Variants in FHIT observed in about 807,000 individuals in gnomAD.
FHIT encodes fragile histidine triad diadenosine triphosphatase.
Under a neutral mutation model 17.9 loss-of-function variants are expected in FHIT, and 19 were observed. That is an observed-to-expected ratio of 1.06 (90% confidence interval 0.74 to 1.56). The LOEUF (loss-of-function observed/expected upper bound fraction) is 1.56, where lower values mean the gene tolerates loss of function less well. Among genes scored for constraint, FHIT ranks in the 40% most tolerant of loss-of-function variants. FHIT has a pLI of 0.00. For missense variants in FHIT, 248 were observed against 189.2 expected (o/e 1.31, Z -1.82); for synonymous variants, 81 against 69.7 (o/e 1.16, Z -0.81).
At chr3:60,700,077 GC>G (rs1473997170) in intron 4 of FHIT, among the ~76,000 whole-genome samples, 1 of 148,704 alleles carries the variant, frequency 6.7e-6, no homozygotes, top group East Asian at 2.0e-4. Context: ...GTTGCCATGA[GC>G]CAAGATCACG....
At chr3:60,355,649 G>T (rs2106964019) in intron 5 of FHIT, among the ~76,000 whole-genome samples, 1 of 152,234 alleles carries the variant, frequency 6.6e-6, no homozygotes, top group African/African-American at 2.4e-5. Context: ...GAAACAATCA[G>T]CAGCAGCTAT....
intron 4 of FHIT, among the ~76,000 whole-genome samples, chr3:60,554,241 T>TG (rs200126561): frequency 6.9e-5 from 10 of 145,806 alleles, no homozygotes; most frequent in African/African-American, 2.2e-4. Flanking sequence ...TCTTAACGGT[T>TG]AAAAAAAAAA....
intron 2 of FHIT, among the ~76,000 whole-genome samples, chr3:61,058,477 G>A (rs1239562958): frequency 6.6e-6 from 1 of 152,174 alleles, no homozygotes; most frequent in African/African-American, 2.4e-5. Context: ...TTCAGTGTTG[G>A]AGGAGGGGCC....
rs567421718 is a variant in FHIT at position 60,492,420 on chromosome 3, C to A, written c.103+44440G>T. Among the ~76,000 whole-genome samples, 330 of 152,034 alleles carry A rather than the reference C, an allele frequency of 2.2e-3. 1 individual carries two copies. Among genetic ancestry groups the A allele is most frequent in the Middle Eastern group, 0.014 (4 of 290 alleles). On this transcript the variant is annotated intron_variant, in intron 5 of 9. Transcript: ENST00000492590. ...ATATATAGGAAAAAGGTTAAGAAAT[C>A]TAGGTCATAAATACTTCTTAAGGTG... is the stretch of plus-strand genomic sequence containing the variant.
chr3:60,606,312 C>T (rs2038607247), intron 4 of FHIT, among the ~76,000 whole-genome samples: 1 of 151,448 alleles, frequency 6.6e-6, no homozygotes, highest in African/African-American at 2.4e-5. Flanking sequence ...GCAATCTTAG[C>T]TCACTGCAAC....
chr3:59,850,511 G>T (rs192842279), intron 8 of FHIT, among the ~76,000 whole-genome samples: 3 of 152,042 alleles, frequency 2.0e-5, no homozygotes, highest in African/African-American at 7.2e-5. Flanking sequence ...CTTAAATTAC[G>T]CAGGAGAAGT....
At chr3:60,953,378 C>T (rs978742751) in intron 3 of FHIT, among the ~76,000 whole-genome samples, 2 of 152,042 alleles carry the variant, frequency 1.3e-5, no homozygotes, top group African/African-American at 4.8e-5. Flanking sequence ...TGGATTCCAA[C>T]TATAAAAGTC....
chr3:60,233,735 G>A (rs988794971), intron 5 of FHIT, among the ~76,000 whole-genome samples: 21 of 152,100 alleles, frequency 1.4e-4, no homozygotes, highest in African/African-American at 4.8e-4. Context: ...CCCGGTGGCA[G>A]GTAATTGAAT....
chr3:60,444,249 A>C (rs1294500764), intron 5 of FHIT, among the ~76,000 whole-genome samples: 3 of 152,288 alleles, frequency 2.0e-5, no homozygotes, highest in East Asian at 3.9e-4. Context: ...GTTGGTGGGA[A>C]TGTAAACTAC....
intron 5 of FHIT, among the ~76,000 whole-genome samples, chr3:60,121,034 A>G (rs1030896342): frequency 2.0e-5 from 3 of 152,160 alleles, no homozygotes; most frequent in Non-Finnish European, 2.9e-5. Context: ...GAAACCCTCA[A>G]AAGATAATTA....
At chr3:60,349,536 T>C (rs564074500) in intron 5 of FHIT, among the ~76,000 whole-genome samples, 172 of 152,322 alleles carry the variant, frequency 1.1e-3, no homozygotes, top group Non-Finnish European at 1.8e-3. Context: ...TTTTTAAATA[T>C]ATAATTGATA....
intron 3 of FHIT, among the ~76,000 whole-genome samples, chr3:60,832,556 C>A (rs1702367565): frequency 6.6e-6 from 1 of 152,060 alleles, no homozygotes; most frequent in Non-Finnish European, 1.5e-5. Flanking sequence ...TTTAAAAAAA[C>A]CAATTTCAAT....
intron 2 of FHIT, among the ~76,000 whole-genome samples, chr3:61,133,668 G>T (rs1216036847): frequency 6.6e-6 from 1 of 152,084 alleles, no homozygotes; most frequent in Non-Finnish European, 1.5e-5. Flanking sequence ...AAGAAAAGAG[G>T]CTCAAAGATG....
chr3:60,715,977 A>C (rs2041673426), intron 4 of FHIT, among the ~76,000 whole-genome samples: 1 of 152,124 alleles, frequency 6.6e-6, no homozygotes, highest in South Asian at 2.1e-4. Context: ...TTGGCTGAGC[A>C]CGGTGGCTCA....
At chr3:60,354,462 C>T (rs1031367191) in intron 5 of FHIT, among the ~76,000 whole-genome samples, 1 of 152,126 alleles carries the variant, frequency 6.6e-6, no homozygotes, top group Admixed American at 6.5e-5. Flanking sequence ...AGATGATTCT[C>T]GAAAAAGCCC....
intron 2 of FHIT, among the ~76,000 whole-genome samples, chr3:61,074,551 C>T (rs968351118): frequency 5.9e-5 from 9 of 152,208 alleles, no homozygotes; most frequent in Admixed American, 1.3e-4. Context: ...AGCTCTGACC[C>T]TACCGGCACC....
chr3:60,062,375 G>GT (rs1402330552), intron 5 of FHIT, among the ~76,000 whole-genome samples: 1 of 152,116 alleles, frequency 6.6e-6, no homozygotes, highest in African/African-American at 2.4e-5. Flanking sequence ...AGTAACTGTC[G>GT]TAACACTCTT....
intron 1 of FHIT, among the ~76,000 whole-genome samples, chr3:61,220,683 C>G (rs557461976): frequency 2.0e-5 from 3 of 152,156 alleles, no homozygotes; most frequent in Admixed American, 2.0e-4. Flanking sequence ...TTCTAGAACA[C>G]TGTCTGGCAC....
chr3:60,899,932 G>A (rs1706021923), intron 3 of FHIT, among the ~76,000 whole-genome samples: 2 of 152,186 alleles, frequency 1.3e-5, no homozygotes, highest in Admixed American at 6.5e-5. Flanking sequence ...AAATCTCTCT[G>A]AACACTGCAT....
Sources: gnomAD v4.1 joint callset for allele counts (sites outside exome capture counted in the v4.1 genomes callset) on GRCh38, gnomAD v4.1.1 for gene constraint, MANE v1.5 for transcripts, NCBI Gene and HGNC (gene_info 2026-07-23, HGNC 2026-07-21) for gene names.